PITPNA: variants seen among roughly 807,000 people sequenced by gnomAD.
The protein encoded by PITPNA is phosphatidylinositol transfer protein alpha, also known as phosphatidylinositol transfer protein alpha isoform.
A neutral mutation model predicts 50.3 loss-of-function variants in PITPNA; 13 were observed. The ratio of observed to expected loss-of-function variants is 0.26; its 90% CI spans 0.17 to 0.41. The LOEUF is 0.41. PITPNA is among the 10% of genes least tolerant of loss of function. PITPNA has a pLI of 1.00. For synonymous variants in PITPNA, 120 were observed against 119.6 expected, an observed-to-expected ratio of 1.00 and a Z score of -0.02; for missense variants, 207 against 333.4, an observed-to-expected ratio of 0.62 and a Z score of 2.95.
intron 3 of PITPNA, among the ~76,000 whole-genome samples, chr17:1,552,380 A>G (rs2075714061): frequency 6.6e-6 from 1 of 152,194 alleles, no homozygotes; most frequent in African/African-American, 2.4e-5. Flanking sequence ...GTCTGCTCAC[A>G]GTTTGCTGAA....
rs936761496 is a variant in PITPNA at position 1,524,194 on chromosome 17, A to G, written c.769-2549T>C. Among the ~76,000 whole-genome samples the G allele has an allele frequency of 6.0e-5, 9 of 151,046 alleles. No individual in the cohort carries two copies. In the East Asian group the frequency reaches 9.8e-4, roughly 16 times the overall value. ...CGAGTAGCTGAGACTATAGGTGCCC[A>G]CCAACACGCCCGGCTAATTTTTTGT... On this transcript the variant is annotated intron_variant, in intron 10 of 11. Coordinates refer to ENST00000313486, the MANE Select transcript of PITPNA (RefSeq NM_006224.4).
At chr17:1,558,692 G>A in intron 1 of PITPNA, 133 bp from the exon 2 acceptor site, 1 of 658,700 alleles carries the variant, frequency 1.5e-6, no homozygotes, top group South Asian at 1.7e-5. Flanking sequence ...AAACCCCACA[G>A]AGAATGGCCC....
chr17:1,562,457 C>T lies in PITPNA; in HGVS notation c.20+84G>A, dbSNP rs1598416936. 3 of 1,170,710 alleles carry T rather than the reference C, an allele frequency of 2.6e-6. 1 individual carries two copies. In the East Asian group the frequency reaches 9.9e-5, roughly 39 times the overall value. 72.5% of individuals were successfully genotyped at this position (1,170,710 alleles called of 1,614,324 possible). On this transcript the variant is annotated intron_variant, in intron 1 of 11. Transcript: ENST00000313486. This position sits in a 1 kb window ranked among gnomAD's most constrained non-coding sequence, Gnocchi z 6.4. ...CTGCTGCCCCTCCGTCCATCCGGGC[C>T]CTGCGTCCCTCGCCGCGCCGTCGCC...
At chr17:1,548,872 G>A (rs1310764453) in intron 3 of PITPNA, among the ~76,000 whole-genome samples, 2 of 152,082 alleles carry the variant, frequency 1.3e-5, no homozygotes, top group African/African-American at 2.4e-5. Flanking sequence ...TGCCTCCCAG[G>A]ACAAAGTATT....
chr17:1,541,747 T>C, intron 5 of PITPNA, 107 bp from the exon 6 acceptor site: 1 of 758,800 alleles, frequency 1.3e-6, no homozygotes, highest in Non-Finnish European at 2.4e-6. Flanking sequence ...AGCTAGGAGA[T>C]TCCAGCCTCT....
intron 5 of PITPNA, among the ~76,000 whole-genome samples, chr17:1,542,250 C>G (rs1280448049): frequency 6.6e-6 from 1 of 151,218 alleles, no homozygotes; most frequent in Non-Finnish European, 1.5e-5. Context: ...GGTCTCAAAA[C>G]AGTTTCGTCT....
chr17:1,543,806 T>C (rs1255827085), intron 4 of PITPNA, among the ~76,000 whole-genome samples: 3 of 152,148 alleles, frequency 2.0e-5, no homozygotes, highest in Non-Finnish European at 2.9e-5. Flanking sequence ...CTGTCAGTAA[T>C]TCCCCCATAC....
intron 4 of PITPNA, among the ~76,000 whole-genome samples, chr17:1,546,075 GCACCAC>G (rs2075672849): frequency 1.3e-5 from 2 of 151,928 alleles, no homozygotes; most frequent in East Asian, 3.9e-4. Context: ...TTACAGGCAT[GCACCAC>G]CATGCCCGGA....
At chr17:1,552,338 G>T (rs2075713826) in intron 3 of PITPNA, among the ~76,000 whole-genome samples, 1 of 152,218 alleles carries the variant, frequency 6.6e-6, no homozygotes, top group Non-Finnish European at 1.5e-5. Context: ...CACTCAAGCT[G>T]ATGTATAATT....
chr17:1,533,426 T>G (rs1409207747), intron 10 of PITPNA, among the ~76,000 whole-genome samples: 1 of 152,088 alleles, frequency 6.6e-6, no homozygotes, highest in African/African-American at 2.4e-5. Flanking sequence ...TGGGGTATCG[T>G]GAAGACTGCA....
chr17:1,542,090 C>T (rs1254740395), intron 5 of PITPNA, among the ~76,000 whole-genome samples: 4 of 152,086 alleles, frequency 2.6e-5, no homozygotes, highest in Non-Finnish European at 1.5e-5. Flanking sequence ...ATCCCAGCTA[C>T]TCGGGAGGCT....
intron 1 of PITPNA, among the ~76,000 whole-genome samples, chr17:1,561,710 G>A (rs995008137): frequency 1.3e-5 from 2 of 152,028 alleles, no homozygotes; most frequent in South Asian, 4.2e-4. Flanking sequence ...CGGTTACTCC[G>A]GCCCGCATCT....
At chr17:1,524,987 T>C (rs965136401) in intron 10 of PITPNA, among the ~76,000 whole-genome samples, 1 of 152,020 alleles carries the variant, frequency 6.6e-6, no homozygotes, top group Admixed American at 6.5e-5. Context: ...TGTTATAGAA[T>C]ACAAAATTAT....
chr17:1,541,771 A>G (rs2075649154), intron 5 of PITPNA, 131 bp from the exon 6 acceptor site: 2 of 726,010 alleles, frequency 2.8e-6, no homozygotes, highest in Non-Finnish European at 5.1e-6. Flanking sequence ...TTGTAATAAC[A>G]GTTAACTTGA....
intron 2 of PITPNA, among the ~76,000 whole-genome samples, chr17:1,554,417 T>A (rs1281748130): frequency 9.2e-6 from 1 of 108,888 alleles, no homozygotes; most frequent in Admixed American, 1.0e-4. Flanking sequence ...TTTTTTTTTT[T>A]AGACAGAGAT....
At position 1,562,489 on chromosome 17, in the gene PITPNA, G is replaced by A; in HGVS notation, c.20+52C>T. 2 of 1,371,846 alleles carry A rather than the reference G, an allele frequency of 1.5e-6. No homozygotes were observed. The highest frequency in any genetic ancestry group is 3.0e-5 in the South Asian group (2 of 67,396). 85.0% of individuals were successfully genotyped at this position (1,371,846 alleles called of 1,614,324 possible). On this transcript the variant is annotated intron_variant, in intron 1 of 11. Transcript: ENST00000313486. The surrounding 1 kb of genome is among the most constrained non-coding windows in gnomAD (Gnocchi z 6.4). ...CCCTCGCCGCGCCGTCGCCCCGGCG[G>A]CCGTCCCCACCCTCCCTCCTCCCCG...
intron 10 of PITPNA, among the ~76,000 whole-genome samples, chr17:1,528,012 T>G (rs534345732): frequency 2.0e-5 from 3 of 152,324 alleles, no homozygotes; most frequent in Admixed American, 2.0e-4. Context: ...CAAGATCCTG[T>G]CTCTACAAAA....
chr17:1,556,919 C>A (rs1007617571), intron 2 of PITPNA, among the ~76,000 whole-genome samples: 2 of 151,970 alleles, frequency 1.3e-5, no homozygotes, highest in Non-Finnish European at 2.9e-5. Flanking sequence ...CAGAGTGAGA[C>A]CCTATCTCCA....
In PITPNA at chr17:1,534,109, T is replaced by C; in HGVS notation, c.758A>G (p.Gln253Arg). Residue 253 changes from glutamine to arginine, a missense_variant, in exon 10 of 12, where the codon CAG becomes CGG. Gln to Arg is a conservative substitution (Grantham distance 43, BLOSUM62 1). Coordinates refer to ENST00000313486, the MANE Select transcript of PITPNA (RefSeq NM_006224.4). ...AGAGCCCCCACTTACTTCATCCAGC[T>C]GTCTCTTCGTCTCTTCTTCCATCCT... ...IRRMEEETKR[Q>R]LDEMRQKDPV... 6.2e-7 allele frequency: 1 copy of C among 1,613,822 alleles called. No individual in the cohort carries two copies. The highest frequency in any genetic ancestry group is 8.5e-7 in the Non-Finnish European group (1 of 1,179,782).
Sources: gnomAD v4.1 joint callset for allele counts (sites outside exome capture counted in the v4.1 genomes callset) on GRCh38, gnomAD v4.1.1 for gene constraint, Gnocchi (gnomAD v3.1) non-coding constraint, MANE v1.5 for transcripts, NCBI Gene and HGNC (gene_info 2026-07-23, HGNC 2026-07-21) for gene names.